Variants in UQCC6 observed in about 807,000 individuals in gnomAD.
UQCC6 encodes protein BRAWNIN.
the UQCC6 span, among the ~76,000 whole-genome samples, chr12:103,963,217 G>A: frequency 6.6e-6 from 1 of 152,010 alleles, no homozygotes; most frequent in South Asian, 2.1e-4. Flanking sequence ...GGGACTACAG[G>A]CATGTGCCAC....
the UQCC6 span, chr12:103,953,514 A>C: frequency 1.4e-6 from 1 of 702,378 alleles, no homozygotes; most frequent in Non-Finnish European, 2.6e-6. Flanking sequence ...CTCCGACCGA[A>C]AGACTTGTGA....
the UQCC6 span, chr12:103,956,931 G>A: frequency 1.8e-6 from 1 of 561,498 alleles, no homozygotes. Context: ...GGCACTGAGA[G>A]GACGAACGCC....
chr12:103,951,710 A>C, the UQCC6 span: 1 of 762,090 alleles, frequency 1.3e-6, no homozygotes, highest in South Asian at 1.8e-5. Flanking sequence ...GAAGACTTTA[A>C]AGAGTAAAAA....
chr12:103,951,586 C>T, the UQCC6 span: 1 of 1,549,188 alleles, frequency 6.5e-7, no homozygotes, highest in Non-Finnish European at 8.7e-7. Flanking sequence ...GTCCCAAAAG[C>T]TCCGTTTTGA....
chr12:103,956,906 CCTT>C, the UQCC6 span: 1 of 584,604 alleles, frequency 1.7e-6, no homozygotes, highest in Non-Finnish European at 3.1e-6. Context: ...TCGGTTTCCT[CCTT>C]TACGAGCTGA....
chr12:103,958,035 T>A, the UQCC6 span, among the ~76,000 whole-genome samples: 203 of 143,302 alleles, frequency 1.4e-3, no homozygotes, highest in Non-Finnish European at 2.7e-3. Context: ...TATATATTTT[T>A]AAATATATAT....
the UQCC6 span, chr12:103,954,721 C>T: frequency 2.0e-6 from 1 of 496,052 alleles, no homozygotes; most frequent in Non-Finnish European, 3.6e-6. Context: ...ATTCACCAAA[C>T]AAGAAACAGT....
At chr12:103,955,715 CAG>C in the UQCC6 span, 2 of 455,218 alleles carry the variant, frequency 4.4e-6, no homozygotes, top group Non-Finnish European at 8.8e-6. Context: ...CCTGTCCAGG[CAG>C]AGTCCAAACA....
the UQCC6 span, chr12:103,953,293 G>T: frequency 1.4e-6 from 1 of 698,204 alleles, no homozygotes; most frequent in South Asian, 1.5e-5. Context: ...AATCCAATGG[G>T]ATCTGCTCAT....
At chr12:103,959,097 T>C in the UQCC6 span, among the ~76,000 whole-genome samples, 1 of 152,216 alleles carries the variant, frequency 6.6e-6, no homozygotes, top group East Asian at 1.9e-4. Flanking sequence ...GTTGCAATCC[T>C]GCTAAAAACT....
chr12:103,957,077 G>A, the UQCC6 span: 4 of 316,820 alleles, frequency 1.3e-5, no homozygotes, highest in Admixed American at 1.3e-4. Flanking sequence ...ACCTCTTGGA[G>A]GAGAGGAACT....
the UQCC6 span, among the ~76,000 whole-genome samples, chr12:103,960,665 C>T: frequency 1.3e-5 from 2 of 152,156 alleles, no homozygotes; most frequent in Non-Finnish European, 1.5e-5. Flanking sequence ...TGTGCTGATA[C>T]AGTCATATGC....
At chr12:103,951,581 A>G in the UQCC6 span, 1 of 1,549,124 alleles carries the variant, frequency 6.5e-7, no homozygotes, top group African/African-American at 1.4e-5. Flanking sequence ...TTTCAGTCCC[A>G]AAAGCTCCGT....
the UQCC6 span, among the ~76,000 whole-genome samples, chr12:103,959,605 G>A: frequency 2.6e-5 from 4 of 151,610 alleles, no homozygotes; most frequent in Non-Finnish European, 4.4e-5. Flanking sequence ...CCAGCTACTC[G>A]GGAGGCTGAG....
the UQCC6 span, chr12:103,953,481 G>C: frequency 4.6e-5 from 32 of 702,230 alleles, no homozygotes; most frequent in Admixed American, 8.0e-5. Context: ...TCCTCTGCTC[G>C]ACTCTGCCCA....
the UQCC6 span, among the ~76,000 whole-genome samples, chr12:103,952,594 A>C: frequency 6.6e-6 from 1 of 152,234 alleles, no homozygotes; most frequent in African/African-American, 2.4e-5. Context: ...AGGAACTACC[A>C]GGCTTTTCTG....
chr12:103,961,073 T>A, the UQCC6 span, among the ~76,000 whole-genome samples: 1 of 152,112 alleles, frequency 6.6e-6, no homozygotes. Context: ...TTGAAGACCT[T>A]CCAGGATGTG....
chr12:103,965,386 C>T, the UQCC6 span: 3 of 152,158 alleles, frequency 2.0e-5, no homozygotes, highest in African/African-American at 7.2e-5. Flanking sequence ...TTATGTAGAG[C>T]TTTACATTTT....
chr12:103,950,339 G>A, the UQCC6 span: 2 of 152,040 alleles, frequency 1.3e-5, no homozygotes, highest in African/African-American at 4.8e-5. Flanking sequence ...ACAGGACTGA[G>A]CAGAGGTATA....
Sources: gnomAD v4.1 joint callset for allele counts (sites outside exome capture counted in the v4.1 genomes callset) on GRCh38, gnomAD v4.1.1 for gene constraint, MANE v1.5 for transcripts, NCBI Gene and HGNC (gene_info 2026-07-23, HGNC 2026-07-21) for gene names.